The following PATJ variants were observed in gnomAD, a reference collection of about 807,000 sequenced individuals.
PATJ encodes inaD-like protein.
PATJ carries 190 observed loss-of-function variants against 224.9 expected under a neutral mutation model. That is an observed-to-expected ratio of 0.84 (90% confidence interval 0.75 to 0.95). The LOEUF is 0.95. Among genes scored for constraint, PATJ ranks in the 40% least tolerant of loss-of-function variants. The pLI, the probability that PATJ is intolerant of heterozygous loss-of-function variation, is 0.00. For synonymous variants in PATJ, 769 were observed against 820.3 expected (o/e 0.94, Z 1.07); for missense variants, 2,121 against 2,270.3 (o/e 0.93, Z 1.34).
At chr1:61,840,483 A>G (rs1310625186) in intron 17 of PATJ, among the ~76,000 whole-genome samples, 1 of 151,950 alleles carries the variant, frequency 6.6e-6, no homozygotes, top group Non-Finnish European at 1.5e-5. Context: ...TATATAAGTA[A>G]TAGTACTTAT....
chr1:62,113,261 G>A (rs1558186278), intron 34 of PATJ, among the ~76,000 whole-genome samples: 1 of 152,110 alleles, frequency 6.6e-6, no homozygotes, highest in Non-Finnish European at 1.5e-5. Flanking sequence ...AGACTTCAAG[G>A]GGTCTTGGAT....
intron 42 of PATJ, among the ~76,000 whole-genome samples, chr1:62,152,908 G>A (rs996267362): frequency 6.6e-6 from 1 of 151,874 alleles, no homozygotes. Flanking sequence ...GGAGGTAGAG[G>A]CAGGCAGATC....
chr1:62,139,755 C>CTT (rs748563032), intron 41 of PATJ, among the ~76,000 whole-genome samples: 3 of 144,688 alleles, frequency 2.1e-5, no homozygotes, highest in Admixed American at 6.9e-5. Flanking sequence ...AAAAGTCATT[C>CTT]TTTTTTTTTT....
chr1:62,145,483 G>A (rs1201842273), intron 41 of PATJ, among the ~76,000 whole-genome samples: 4 of 152,040 alleles, frequency 2.6e-5, no homozygotes, highest in Non-Finnish European at 4.4e-5. Context: ...GCAACACAGT[G>A]AGACACTGTC....
intron 12 of PATJ, among the ~76,000 whole-genome samples, chr1:61,802,537 C>G (rs1032664239): frequency 1.3e-5 from 2 of 152,034 alleles, no homozygotes; most frequent in African/African-American, 4.8e-5. Context: ...CTTTGGCCCC[C>G]CAAAGTGCTG....
At chr1:62,055,123 TC>T (rs1227401658) in intron 31 of PATJ, among the ~76,000 whole-genome samples, 1 of 152,256 alleles carries the variant, frequency 6.6e-6, no homozygotes, top group East Asian at 1.9e-4. Flanking sequence ...CTTAATCTTA[TC>T]CCCAAAATAA....
chr1:61,944,983 A>T (rs1427043761), intron 27 of PATJ, among the ~76,000 whole-genome samples: 1 of 152,238 alleles, frequency 6.6e-6, no homozygotes, highest in African/African-American at 2.4e-5. Context: ...ACTAAGCTTC[A>T]TAAGTGAAGG....
intron 18 of PATJ, among the ~76,000 whole-genome samples, chr1:61,857,336 A>G (rs1663860943): frequency 6.6e-6 from 1 of 152,230 alleles, no homozygotes. Context: ...CTTTAAGAAT[A>G]GTCCTTTTGT....
intron 21 of PATJ, among the ~76,000 whole-genome samples, chr1:61,878,254 G>A (rs114025503): frequency 0.012 from 1,771 of 152,238 alleles, 41 homozygotes; most frequent in African/African-American, 0.041. Context: ...CTCAGTGAGG[G>A]GGAGGCAGAC....
At chr1:61,976,865 C>G (rs1644163201) in intron 27 of PATJ, among the ~76,000 whole-genome samples, 1 of 151,934 alleles carries the variant, frequency 6.6e-6, no homozygotes, top group African/African-American at 2.4e-5. Context: ...TTTTTCTTTA[C>G]TGAAATATTT....
intron 29 of PATJ, among the ~76,000 whole-genome samples, chr1:62,036,422 A>C (rs1650391460): frequency 6.6e-6 from 1 of 152,162 alleles, no homozygotes; most frequent in Admixed American, 6.5e-5. Context: ...TGTTGTTGAC[A>C]TTTACTCTGG....
intron 13 of PATJ, among the ~76,000 whole-genome samples, chr1:61,807,435 C>T (rs1653822570): frequency 6.6e-6 from 1 of 152,160 alleles, no homozygotes; most frequent in Non-Finnish European, 1.5e-5. Flanking sequence ...GCTTGGCCTC[C>T]CAGAGTTCTG....
rs1411555091 is a variant in PATJ at position 62,106,156 on chromosome 1, GTGTATATATATATATA to G, written c.4378-2279_4378-2264del. Among the ~76,000 whole-genome samples the G allele has an allele frequency of 9.1e-5, 5 of 54,870 alleles. 1 individual carries two copies. Among genetic ancestry groups the G allele is most frequent in the Non-Finnish European group, 1.2e-4 (3 of 24,204 alleles). 36.0% of individuals were successfully genotyped at this position (54,870 alleles called of 152,430 possible). ...TATACATGTGTATATGTGTGTGTGT[GTGTATATATATATATA>G]TATATATATATATATGGCTGGGCAC... On this transcript the variant is annotated intron_variant, in intron 33 of 43. Coordinates refer to ENST00000642238, the MANE Select transcript of PATJ (RefSeq NM_001350145.3).
intron 15 of PATJ, among the ~76,000 whole-genome samples, chr1:61,823,379 C>T (rs1417815601): frequency 1.3e-5 from 2 of 152,206 alleles, no homozygotes; most frequent in African/African-American, 2.4e-5. Flanking sequence ...CTTGTTGCAA[C>T]ATATAACCAC....
chr1:61,899,277 A>G (rs1319688786), intron 22 of PATJ, among the ~76,000 whole-genome samples: 1 of 152,172 alleles, frequency 6.6e-6, no homozygotes, highest in African/African-American at 2.4e-5. Context: ...AACATTTTAC[A>G]TATTGATACA....
In PATJ at chr1:61,833,725, C is replaced by T; in HGVS notation, c.2052C>T (p.Val684=). 3 of 1,613,568 alleles carry T rather than the reference C, an allele frequency of 1.9e-6. No homozygotes were observed. The highest frequency in any genetic ancestry group is 2.5e-6 in the Non-Finnish European group (3 of 1,179,624). ...AATTAGCACTGTGGTCCCCTGAAGTCAAGATTGTTGAACTAGTAAAAGATT... is the reference window on the plus strand; with the variant it reads ...AATTAGCACTGTGGTCCCCTGAAGTTAAGATTGTTGAACTAGTAAAAGATT... ...DGELALWSPE[V]KIVELVKDCK... is the part of the protein sequence containing the mutation. Residue 684 remains valine (V), a synonymous_variant, in exon 17 of 44, where the codon GTC becomes GTT. Transcript: ENST00000642238.
chr1:61,824,257 G>T (rs1185729105), intron 15 of PATJ, among the ~76,000 whole-genome samples: 5 of 149,746 alleles, frequency 3.3e-5, no homozygotes, highest in Non-Finnish European at 7.4e-5. Flanking sequence ...TCGAGACGGG[G>T]TCTTGCTATG....
chr1:61,791,434 A>G lies in PATJ; in HGVS notation c.1155A>G (p.Gly385=). Residue 385 remains glycine (G), a synonymous_variant, in exon 9 of 44, where the codon GGA becomes GGG. Transcript: ENST00000642238. ...SLGIRIVGYV[G]TSHTGEASGI... The stretch of plus-strand genomic sequence containing the variant: ...GAATTAGAATTGTTGGCTATGTTGG[A>G]ACATCTCATACAGGTAAATGAATCA... The G allele has an allele frequency of 6.3e-7, 1 of 1,582,514 alleles. No homozygotes were observed. Among genetic ancestry groups the G allele is most frequent in the Non-Finnish European group, 8.7e-7 (1 of 1,151,274 alleles).
intron 22 of PATJ, among the ~76,000 whole-genome samples, chr1:61,884,903 C>T (rs1413841616): frequency 6.6e-6 from 1 of 152,150 alleles, no homozygotes; most frequent in Non-Finnish European, 1.5e-5. Flanking sequence ...CAGTTTGGAA[C>T]ATGTTGATGG....
Sources: allele counts gnomAD v4.1 joint callset (sites outside exome capture counted in the v4.1 genomes callset), GRCh38; gene constraint gnomAD v4.1.1; transcripts MANE v1.5; gene names NCBI Gene and HGNC (gene_info 2026-07-23, HGNC 2026-07-21).